The following OVAAL variants were observed in gnomAD, a reference collection of about 807,000 sequenced individuals.
OVAAL encodes the protein ovarian adenocarcinoma amplified long non-coding RNA.
At chr1:180,562,971 G>A (rs1022369888) in intron 2 of OVAAL, among the ~76,000 whole-genome samples, 3 of 152,158 alleles carry the variant, frequency 2.0e-5, no homozygotes, top group Admixed American at 2.0e-4. Context: ...TCCTTTACAG[G>A]CAGATTAAAG....
chr1:180,562,557 C>T (rs949745064), intron 2 of OVAAL, among the ~76,000 whole-genome samples: 1 of 151,962 alleles, frequency 6.6e-6, no homozygotes, highest in African/African-American at 2.4e-5. Context: ...TCTATAAAGC[C>T]CTAAGTCAAG....
intron 1 of OVAAL, among the ~76,000 whole-genome samples, chr1:180,561,256 C>T (rs1238961168): frequency 1.3e-5 from 2 of 152,126 alleles, no homozygotes; most frequent in African/African-American, 4.8e-5. Flanking sequence ...AAGACCAAAC[C>T]CAAACCACAG....
At chr1:180,561,465 C>T (rs1334608682) in intron 1 of OVAAL, among the ~76,000 whole-genome samples, 1 of 152,078 alleles carries the variant, frequency 6.6e-6, no homozygotes, top group African/African-American at 2.4e-5. Flanking sequence ...ACAGGAGATC[C>T]ATGGATATCT....
At chr1:180,561,473 T>G (rs1417252031) in intron 1 of OVAAL, among the ~76,000 whole-genome samples, 1 of 152,094 alleles carries the variant, frequency 6.6e-6, no homozygotes, top group East Asian at 1.9e-4. Flanking sequence ...TCCATGGATA[T>G]CTACACATGC....
chr1:180,563,337 C>T (rs1340850462), intron 2 of OVAAL, among the ~76,000 whole-genome samples: 1 of 152,134 alleles, frequency 6.6e-6, no homozygotes. Context: ...CTGAGTATAG[C>T]CAAGTATTCA....
At chr1:180,559,980 T>C (rs1296660319) in intron 1 of OVAAL, among the ~76,000 whole-genome samples, 1 of 151,994 alleles carries the variant, frequency 6.6e-6, no homozygotes, top group East Asian at 1.9e-4. Context: ...ATAGCTAACA[T>C]TGATTTAGTG....
chr1:180,564,040 A>G (rs1051414302), intron 2 of OVAAL, among the ~76,000 whole-genome samples: 1 of 152,154 alleles, frequency 6.6e-6, no homozygotes, highest in East Asian at 1.9e-4. Context: ...ATGACCATAT[A>G]ATTTATCATT....
At chr1:180,563,378 A>G (rs61811629) in intron 2 of OVAAL, among the ~76,000 whole-genome samples, 39,214 of 152,096 alleles carry the variant, frequency 0.26, 5,213 homozygotes, top group African/African-American at 0.3. Flanking sequence ...GGAATTGTTA[A>G]CAGTGGAGAA....
intron 1 of OVAAL, chr1:180,558,984 C>G (rs911805483): frequency 1.3e-5 from 2 of 155,192 alleles, no homozygotes; most frequent in Non-Finnish European, 2.8e-5. Flanking sequence ...CTTGCCACTG[C>G]CATGTAAGAA....
At chr1:180,563,002 T>C (rs17300950) in intron 2 of OVAAL, among the ~76,000 whole-genome samples, 31,582 of 152,170 alleles carry the variant, frequency 0.21, 3,566 homozygotes, top group Non-Finnish European at 0.25. Context: ...TAGATAAACA[T>C]GAAAGCAGCT....
At chr1:180,564,374 A>G (rs1377178860) in intron 2 of OVAAL, among the ~76,000 whole-genome samples, 1 of 152,188 alleles carries the variant, frequency 6.6e-6, no homozygotes, top group African/African-American at 2.4e-5. Context: ...TTTGAAATTA[A>G]AATTTCACTG....
chr1:180,560,410 G>A (rs1013070371), intron 1 of OVAAL, among the ~76,000 whole-genome samples: 2 of 152,110 alleles, frequency 1.3e-5, no homozygotes, highest in African/African-American at 2.4e-5. Context: ...GGAATGCGAG[G>A]TCATAGAACC....
intron 2 of OVAAL, among the ~76,000 whole-genome samples, chr1:180,564,768 C>CTG (rs1653263717): frequency 6.6e-6 from 1 of 152,042 alleles, no homozygotes; most frequent in African/African-American, 2.4e-5. Context: ...ATCTCCTAGG[C>CTG]CAGTGGTTCT....
At chr1:180,562,720 T>G (rs147094548) in intron 2 of OVAAL, among the ~76,000 whole-genome samples, 92 of 152,296 alleles carry the variant, frequency 6.0e-4, no homozygotes, top group Non-Finnish European at 1.2e-3. Flanking sequence ...GGATGGGGTG[T>G]GCACAGAGAG....
rs999406646 is a variant in OVAAL at position 180,560,284 on chromosome 1, C to T, written n.373-1920C>T. On this transcript the variant is annotated intron_variant and non_coding_transcript_variant, in intron 1 of 2. Coordinates refer to ENST00000673955, the Ensembl canonical transcript of OVAAL. ...GGCACAGAGATAAAGTAGGTGATAT[C>T]GAGGAGTTCAGAAAATGAAGCCCAC... Among the ~76,000 whole-genome samples, 4 of 152,076 alleles carry T rather than the reference C, an allele frequency of 2.6e-5. No individual in the cohort carries two copies. The South Asian group carries it at 6.2e-4, about 24-fold the overall frequency.
chr1:180,564,088 T>A (rs1037552184), intron 2 of OVAAL, among the ~76,000 whole-genome samples: 1 of 152,178 alleles, frequency 6.6e-6, no homozygotes, highest in African/African-American at 2.4e-5. Context: ...AGGGGGGCAC[T>A]ATTAGTTATG....
exon 2 of OVAAL, chr1:180,562,259 G>C (rs1473266469): frequency 6.6e-6 from 1 of 152,398 alleles, no homozygotes; most frequent in South Asian, 2.1e-4. Context: ...AGGCATTTTG[G>C]GGGAGAGGTA....
At chr1:180,564,292 A>G (rs967733948) in intron 2 of OVAAL, among the ~76,000 whole-genome samples, 3 of 152,222 alleles carry the variant, frequency 2.0e-5, no homozygotes, top group Non-Finnish European at 2.9e-5. Flanking sequence ...TGAATTTCAG[A>G]TAAATGAATA....
chr1:180,559,568 C>G (rs557927257), intron 1 of OVAAL, among the ~76,000 whole-genome samples: 3 of 152,208 alleles, frequency 2.0e-5, no homozygotes, highest in African/African-American at 7.2e-5. Context: ...AAAAGGGAAA[C>G]AGAGCATAAA....
Sources: allele counts gnomAD v4.1 joint callset (sites outside exome capture counted in the v4.1 genomes callset), GRCh38; gene constraint gnomAD v4.1.1; transcripts MANE v1.5; gene names NCBI Gene and HGNC (gene_info 2026-07-23, HGNC 2026-07-21).